The following ASMTL variants were observed in gnomAD, a reference collection of about 807,000 sequenced individuals.
ASMTL encodes acetylserotonin O-methyltransferase like, also known as probable bifunctional dTTP/UTP pyrophosphatase/methyltransferase protein.
A neutral mutation model predicts 60.3 loss-of-function variants in ASMTL; 57 were observed. The observed-to-expected ratio is 0.95, with a 90% confidence interval of 0.76 to 1.18. The LOEUF is 1.18. ASMTL is among the 50% of genes most tolerant of loss of function. ASMTL has a pLI of 0.00. For missense variants in ASMTL, 981 were observed against 852.6 expected, an observed-to-expected ratio of 1.15 and a Z score of -1.88; for synonymous variants, 419 against 373.0, an observed-to-expected ratio of 1.12 and a Z score of -1.42.
intron 1 of ASMTL, among the ~76,000 whole-genome samples, chrX:1,448,810 T>C (rs1302917713): frequency 6.6e-6 from 1 of 152,082 alleles, no homozygotes; most frequent in Non-Finnish European, 1.5e-5. Context: ...ACCACCATCT[T>C]GGACAAGCAC....
intron 3 of ASMTL, among the ~76,000 whole-genome samples, chrX:1,436,255 C>A (rs1432222989): frequency 2.0e-5 from 3 of 152,074 alleles, no homozygotes; most frequent in Non-Finnish European, 4.4e-5. Flanking sequence ...CTCACTGCAA[C>A]CTCCGCCTCC....
chrX:1,416,935 C>T (rs766574406), intron 11 of ASMTL, among the ~76,000 whole-genome samples: 3 of 151,856 alleles, frequency 2.0e-5, no homozygotes, highest in East Asian at 1.9e-4. Flanking sequence ...CACACACACA[C>T]GGACTCAGAC....
intron 1 of ASMTL, among the ~76,000 whole-genome samples, chrX:1,448,745 C>T (rs1433625676): frequency 2.6e-4 from 39 of 150,160 alleles, no homozygotes; most frequent in East Asian, 2.5e-3. Flanking sequence ...GGACACACAC[C>T]ACCATCTTGG....
intron 5 of ASMTL, 23 bp from the exon 6 acceptor site, chrX:1,432,400 G>T (rs766575272): frequency 1.9e-6 from 3 of 1,595,218 alleles, no homozygotes; most frequent in South Asian, 2.2e-5. Flanking sequence ...AGCCGTGGGG[G>T]TGAGCGTGGA....
intron 1 of ASMTL, among the ~76,000 whole-genome samples, chrX:1,443,125 G>A (rs113757457): frequency 0.044 from 6,520 of 147,438 alleles, 461 homozygotes; most frequent in African/African-American, 0.16. Context: ...GACACACACC[G>A]CCGTCGTGGA....
intron 6 of ASMTL, among the ~76,000 whole-genome samples, chrX:1,430,922 A>G (rs2149320622): frequency 7.3e-6 from 1 of 136,364 alleles, no homozygotes; most frequent in Admixed American, 7.3e-5. Context: ...CACATAATAC[A>G]TTATATATTA....
intron 1 of ASMTL, among the ~76,000 whole-genome samples, chrX:1,447,594 A>ACCATCTTGGACACACACCG (rs1365368119): frequency 6.6e-6 from 1 of 151,266 alleles, no homozygotes; most frequent in Non-Finnish European, 1.5e-5. Flanking sequence ...TTGGAGACAC[A>ACCATCTTGGACACACACCG]CCATCTTGGA....
chrX:1,404,491 T>G (rs2089727710), intron 12 of ASMTL, among the ~76,000 whole-genome samples: 1 of 142,666 alleles, frequency 7.0e-6, no homozygotes, highest in Admixed American at 7.1e-5. Context: ...TATAGATGGA[T>G]GGATGGATGG....
In ASMTL at chrX:1,428,139, G is replaced by C; in HGVS notation, c.510-18C>G. ...CTTTGTCCCTGGGTGGGCAGGGGAA[G>C]GTAAGAGGTGACAAGGAGGAGAAAA... On this transcript the variant is annotated intron_variant, in intron 6 of 12. Transcript: ENST00000381317. 6.3e-7 allele frequency: 1 copy of C among 1,588,286 alleles called. No homozygotes were observed. Among genetic ancestry groups the C allele is most frequent in the Non-Finnish European group, 8.6e-7 (1 of 1,163,202 alleles).
At position 1,443,843 on chromosome X, in the gene ASMTL, G is replaced by T. The variant is rs183834227; in HGVS notation, c.94-1526C>A. On this transcript the variant is annotated intron_variant, in intron 1 of 12. Transcript: ENST00000381317. Reference sequence around the variant, plus strand: ...GACACACACCGCCATTTTGGCCATCGAGGACACACACCACCATCGTGGACA... The same window carrying T: ...GACACACACCGCCATTTTGGCCATCTAGGACACACACCACCATCGTGGACA... Among the ~76,000 whole-genome samples, 377 of 143,802 alleles carry T rather than the reference G, an allele frequency of 2.6e-3. 3 individuals carry two copies. The highest frequency in any genetic ancestry group is 8.5e-3 in the African/African-American group (329 of 38,570). The allele number at this position is 143,802 out of a possible 152,430, so 94.3% of individuals were successfully genotyped here.
At chrX:1,423,108 G>A (rs868111157) in intron 8 of ASMTL, among the ~76,000 whole-genome samples, 49 of 152,034 alleles carry the variant, frequency 3.2e-4, no homozygotes, top group Non-Finnish European at 6.2e-4. Context: ...ACCCGCCACC[G>A]TGCCCGGCTA....
chrX:1,450,918 C>CA (rs1398584962), intron 1 of ASMTL, among the ~76,000 whole-genome samples: 3 of 140,048 alleles, frequency 2.1e-5, no homozygotes, highest in Non-Finnish European at 3.1e-5. Flanking sequence ...TCACTCTGCC[C>CA]TCCCCATTCC....
At chrX:1,419,407 A>G (rs1254978314) in intron 9 of ASMTL, among the ~76,000 whole-genome samples, 1 of 152,150 alleles carries the variant, frequency 6.6e-6, no homozygotes, top group Non-Finnish European at 1.5e-5. Context: ...GCTTTTCACA[A>G]TAAAGCTTTT....
chrX:1,436,303 T>A (rs6644942), intron 3 of ASMTL, among the ~76,000 whole-genome samples: 61,340 of 150,888 alleles, frequency 0.41, 12,801 homozygotes, highest in Middle Eastern at 0.52. Flanking sequence ...CCTCCCGAGT[T>A]GCTGGGAATA....
rs768836925 is a variant in ASMTL at position 1,415,471 on chromosome X, C to CTTTTTTTTTT, written c.1522+2492_1522+2501dup. On this transcript the variant is annotated intron_variant, in intron 11 of 12. Coordinates refer to ENST00000381317, the MANE Select transcript of ASMTL (RefSeq NM_004192.4). Reference sequence around the variant, plus strand: ...TATTTATCATTATTATTATCATTGTCTTTTTTTTTTTGAGATGGAGTTTCG... The same window carrying CTTTTTTTTTT: ...TATTTATCATTATTATTATCATTGTCTTTTTTTTTTTTTTTTTTTTTGAGATGGAGTTTCG... 1.4e-5 allele frequency among the ~76,000 whole-genome samples: 2 copies of CTTTTTTTTTT among 147,032 alleles called. 1 individual carries two copies.
chrX:1,439,190 C>G (rs1393338714), intron 2 of ASMTL, 46 bp from the exon 3 acceptor site: 4 of 1,604,960 alleles, frequency 2.5e-6, no homozygotes, highest in Non-Finnish European at 3.4e-6. Flanking sequence ...TGCCGTGGGT[C>G]TCACAGAGAA....
intron 12 of ASMTL, among the ~76,000 whole-genome samples, chrX:1,411,629 A>ACTT (rs1262220146): frequency 3.8e-5 from 1 of 26,186 alleles, no homozygotes; most frequent in Non-Finnish European, 8.1e-5. Flanking sequence ...ATCCAGCTGC[A>ACTT]GAGTCCACTC....
rs200573747 is a variant in ASMTL, at chrX:1,427,862, C to G, written c.769G>C (p.Asp257His). The change falls in exon 7 of 13, where the codon GAT (aspartate) becomes CAT (histidine). Residue 257 changes from aspartate to histidine, a missense_variant. Physicochemically the swap from Asp to His is moderately conservative, Grantham distance 81 (BLOSUM62 -1). Coordinates refer to ENST00000381317, the MANE Select transcript of ASMTL (RefSeq NM_004192.4). ...GCCTCTCCCGCCTCGGCCTTCTCATCGCGGCTGCCCGCGTCCCTCTGAGTG... is the reference window on the plus strand; with the variant it reads ...GCCTCTCCCGCCTCGGCCTTCTCATGGCGGCTGCCCGCGTCCCTCTGAGTG... ...EPTQRDAGSRDEKAEAGEAGQ... is the reference protein window; with the variant it reads ...EPTQRDAGSRHEKAEAGEAGQ... The G allele has an allele frequency of 9.9e-6, 16 of 1,613,262 alleles. No homozygotes were observed. In the South Asian group the frequency reaches 1.8e-4, roughly 18 times the overall value.
At chrX:1,412,358 C>G (rs1332607069) in intron 12 of ASMTL, among the ~76,000 whole-genome samples, 5 of 151,778 alleles carry the variant, frequency 3.3e-5, no homozygotes, top group African/African-American at 4.8e-5. Flanking sequence ...CTCTGAAGTA[C>G]CTGGGATTAC....
Sources: allele counts gnomAD v4.1 joint callset (sites outside exome capture counted in the v4.1 genomes callset), GRCh38; gene constraint gnomAD v4.1.1; transcripts MANE v1.5; gene names NCBI Gene and HGNC (gene_info 2026-07-23, HGNC 2026-07-21).